The following COL18A1 variants were observed in gnomAD, a reference collection of about 807,000 sequenced individuals.
COL18A1 encodes collagen alpha-1(XVIII) chain.
Under a neutral mutation model 168.0 loss-of-function variants are expected in COL18A1, and 133 were observed. That is an observed-to-expected ratio of 0.79 (90% confidence interval 0.69 to 0.91). The LOEUF is 0.91. Ranked by LOEUF, COL18A1 falls within the 40% of genes least tolerant of loss-of-function variation. The pLI, the probability that COL18A1 is intolerant of heterozygous loss-of-function variation, is 0.00. For missense variants in COL18A1, 2,126 were observed against 1,925.4 expected, an observed-to-expected ratio of 1.10 and a Z score of -1.95; for synonymous variants, 949 against 809.0, an observed-to-expected ratio of 1.17 and a Z score of -2.94.
chr21:45,505,223 TCCCGGCCCC>T lies in COL18A1; in HGVS notation c.2961_2969del (p.Gly994_Pro996del), dbSNP rs776751637. The T allele has an allele frequency of 1.7e-5, 27 of 1,580,794 alleles. No individual in the cohort carries two copies. Among genetic ancestry groups the T allele is most frequent in the East Asian group, 4.5e-5 (2 of 44,520 alleles). On this transcript the variant is annotated inframe_deletion, in exon 35 of 42. Coordinates refer to ENST00000651438, the MANE Select transcript of COL18A1 (RefSeq NM_001379500.1). ...TCGGCTACGAGGGGCGCCAGGGCCC[TCCCGGCCCC>T]CCAGGCCCCCCAGGGCCCCCTTCAT...
chr21:45,452,889 T>C lies in COL18A1; in HGVS notation c.107-15353T>C, dbSNP rs555598323. Among the ~76,000 whole-genome samples the C allele has an allele frequency of 4.6e-5, 7 of 151,918 alleles. No homozygotes were observed. In the East Asian group the frequency reaches 7.7e-4, roughly 17 times the overall value. Reference sequence around the variant, plus strand: ...GTGTATGCATGTGAGTATTCACATGTGACATGTGAGCATGTATGTACATGT... The same window carrying C: ...GTGTATGCATGTGAGTATTCACATGCGACATGTGAGCATGTATGTACATGT... On this transcript the variant is annotated intron_variant, in intron 2 of 41. Coordinates refer to ENST00000651438, the MANE Select transcript of COL18A1 (RefSeq NM_001379500.1).
chr21:45,434,437 A>G (rs2034045062), intron 2 of COL18A1, among the ~76,000 whole-genome samples: 1 of 152,104 alleles, frequency 6.6e-6, no homozygotes, highest in Admixed American at 6.5e-5. Context: ...CATGAGACCT[A>G]CTTTCCTTGC....
At chr21:45,482,685 G>A in intron 14 of COL18A1, 110 bp from the exon 15 acceptor site, 3 of 1,525,036 alleles carry the variant, frequency 2.0e-6, no homozygotes, top group Non-Finnish European at 9.1e-7. Context: ...GGCACAGGCA[G>A]CAAAGCAGGG....
intron 27 of COL18A1, 104 bp downstream of exon 27, chr21:45,494,675 A>T (rs1236942068): frequency 3.9e-6 from 6 of 1,536,134 alleles, no homozygotes; most frequent in Non-Finnish European, 5.4e-6. Flanking sequence ...CCCAGGGCTC[A>T]TCTCCCTAGT....
chr21:45,482,740 C>T, intron 14 of COL18A1, 55 bp from the exon 15 acceptor site: 1 of 1,614,122 alleles, frequency 6.2e-7, no homozygotes. Context: ...GTGCCTTCCT[C>T]TGTCCACTGT....
intron 3 of COL18A1, 56 bp downstream of exon 3, chr21:45,468,842 G>A (rs2035311515): frequency 7.6e-6 from 11 of 1,441,344 alleles, no homozygotes; most frequent in Non-Finnish European, 1.0e-5. Context: ...GGGGTGGGGT[G>A]GGGGTGGCCA....
chr21:45,445,843 G>T (rs944135165), intron 2 of COL18A1, among the ~76,000 whole-genome samples: 8 of 152,158 alleles, frequency 5.3e-5, no homozygotes, highest in Non-Finnish European at 2.9e-5. Flanking sequence ...CATCTAGATA[G>T]AAGTGCTTCC....
intron 26 of COL18A1, chr21:45,493,794 T>C: frequency 3.5e-6 from 2 of 567,336 alleles, no homozygotes; most frequent in Non-Finnish European, 6.3e-6. Flanking sequence ...GTCCTCTCCC[T>C]ACCCCTGAGC....
chr21:45,488,391 A>G, intron 17 of COL18A1, 27 bp from the exon 18 acceptor site: 4 of 1,613,684 alleles, frequency 2.5e-6, no homozygotes, highest in Non-Finnish European at 2.5e-6. Flanking sequence ...CAGCTGCACT[A>G]ACACTGTGTC....
chr21:45,476,497 A>T lies in COL18A1; in HGVS notation c.928+17A>T. 1.3e-6 allele frequency: 2 copies of T among 1,585,522 alleles called. No individual in the cohort carries two copies. Among genetic ancestry groups the T allele is most frequent in the Non-Finnish European group, 1.7e-6 (2 of 1,165,348 alleles). ...CGTTAGGAGGTAAGCTCTTTTCTGGATGTGGTGTGTGTGTGGTGTGGGGTG... is the reference window on the plus strand; with the variant it reads ...CGTTAGGAGGTAAGCTCTTTTCTGGTTGTGGTGTGTGTGTGGTGTGGGGTG... On this transcript the variant is annotated intron_variant, in intron 6 of 41. Coordinates refer to ENST00000651438, the MANE Select transcript of COL18A1 (RefSeq NM_001379500.1).
Position 45,480,731 on chromosome 21 carries a change from C to G in COL18A1, c.1484C>G (p.Pro495Arg), listed in dbSNP as rs751547351. The G allele has an allele frequency of 2.5e-6, 4 of 1,610,650 alleles. No homozygotes were observed. The highest frequency in any genetic ancestry group is 2.7e-5 in the African/African-American group (2 of 74,900). The change falls in exon 13 of 42, where the codon CCC becomes CGC. Residue 495 changes from proline to arginine, a missense_variant. By Grantham distance (103) the Pro-to-Arg change is moderately radical. Coordinates refer to ENST00000651438, the MANE Select transcript of COL18A1 (RefSeq NM_001379500.1). ...CGAGGCTTCCCTGGACCTCCCGGAC[C>G]CCCCGGTGTCCCAGGCCTGCCCGGC... is the stretch of plus-strand genomic sequence containing the variant. ...GPRGFPGPPGPPGVPGLPGEP... is the reference protein window; with the variant it reads ...GPRGFPGPPGRPGVPGLPGEP...
chr21:45,417,999 C>T (rs1232710773), intron 2 of COL18A1, among the ~76,000 whole-genome samples: 1 of 152,266 alleles, frequency 6.6e-6, no homozygotes, highest in African/African-American at 2.4e-5. Flanking sequence ...CATGGCCAGT[C>T]CTGCTGCCGC....
intron 16 of COL18A1, 26 bp from the exon 17 acceptor site, chr21:45,487,421 C>G (rs1278232055): frequency 6.2e-7 from 1 of 1,611,754 alleles, no homozygotes; most frequent in Non-Finnish European, 8.5e-7. Context: ...ACACAGGCCC[C>G]TACGTGTCTC....
chr21:45,491,355 C>A (rs764568332), intron 22 of COL18A1, 41 bp downstream of exon 22: 3 of 1,338,214 alleles, frequency 2.2e-6, no homozygotes, highest in Non-Finnish European at 3.2e-6. Context: ...CTGTCCAGAC[C>A]CCCCACGGGG....
intron 30 of COL18A1, 59 bp from the exon 31 acceptor site, chr21:45,496,991 G>A: frequency 1.6e-6 from 2 of 1,214,548 alleles, no homozygotes; most frequent in Non-Finnish European, 2.4e-6. Flanking sequence ...CCCCTGAGTG[G>A]TGGTGGCCTC....
intron 16 of COL18A1, 62 bp downstream of exon 16, chr21:45,487,054 T>C: frequency 7.0e-7 from 1 of 1,424,126 alleles, no homozygotes; most frequent in Non-Finnish European, 9.2e-7. Context: ...CCAGCCCTAC[T>C]ACCCCTGGCA....
Position 45,473,821 on chromosome 21 carries a change from G to A in COL18A1, c.652-74G>A, listed in dbSNP as rs2035534064. The A allele has an allele frequency of 7.9e-7, 1 of 1,272,052 alleles. No individual in the cohort carries two copies. Among genetic ancestry groups the A allele is most frequent in the African/African-American group, 1.5e-5 (1 of 67,726 alleles). 78.8% of individuals were successfully genotyped at this position (1,272,052 alleles called of 1,614,324 possible). A position where few individuals can be genotyped will look rare whatever the true frequency, so the allele number is the denominator to read the frequency against. On this transcript the variant is annotated intron_variant, in intron 3 of 41. Coordinates refer to ENST00000651438, the MANE Select transcript of COL18A1 (RefSeq NM_001379500.1). This position sits in a 1 kb window ranked among gnomAD's most constrained non-coding sequence, Gnocchi z 4.0. ...GCCCTTTGTGGGCCCCCCGAAATCT[G>A]GAGCTCAAGCAGCACCGGGGTTGCC...
chr21:45,470,496 T>G (rs1311071961), intron 3 of COL18A1, among the ~76,000 whole-genome samples: 1 of 148,598 alleles, frequency 6.7e-6, no homozygotes, highest in East Asian at 1.9e-4. Context: ...TTTTTTGTTT[T>G]TTTTTTTTTA....
intron 17 of COL18A1, among the ~76,000 whole-genome samples, chr21:45,487,955 A>G (rs2036174338): frequency 6.6e-6 from 1 of 152,246 alleles, no homozygotes; most frequent in African/African-American, 2.4e-5. Context: ...AGGAGTGACC[A>G]AAATCCCAAA....
Sources: allele counts gnomAD v4.1 joint callset (sites outside exome capture counted in the v4.1 genomes callset), GRCh38; gene constraint gnomAD v4.1.1; non-coding constraint Gnocchi (gnomAD v3.1); transcripts MANE v1.5; gene names NCBI Gene and HGNC (gene_info 2026-07-23, HGNC 2026-07-21).